Variants in FBXL7 observed in about 807,000 individuals in gnomAD.
FBXL7 encodes F-box and leucine rich repeat protein 7.
In FBXL7, 12 loss-of-function variants were observed where a neutral mutation model predicts 38.3. The observed-to-expected ratio is 0.31, with a 90% CI of 0.20 to 0.51. FBXL7 has a LOEUF of 0.51. FBXL7 is among the 20% of genes least tolerant of loss of function. FBXL7 has a pLI of 0.98. For synonymous variants in FBXL7, 297 were observed against 300.9 expected (o/e 0.99, Z 0.13); for missense variants, 567 against 676.4 (o/e 0.84, Z 1.79).
chr5:15,847,345 A>G (rs1336294353), intron 2 of FBXL7, among the ~76,000 whole-genome samples: 4 of 152,194 alleles, frequency 2.6e-5, no homozygotes, highest in African/African-American at 9.6e-5. Context: ...AAAGCCCCTT[A>G]TAAAACCATC....
chr5:15,802,948 C>T (rs1413140962), intron 2 of FBXL7, among the ~76,000 whole-genome samples: 4 of 152,186 alleles, frequency 2.6e-5, no homozygotes, highest in African/African-American at 7.2e-5. Context: ...CCACGGCACC[C>T]GGCCCCACCA....
intron 2 of FBXL7, among the ~76,000 whole-genome samples, chr5:15,913,800 T>C (rs577938246): frequency 6.6e-6 from 1 of 152,334 alleles, no homozygotes; most frequent in African/African-American, 2.4e-5. Context: ...AAGAAAGAGC[T>C]GGCTCCTTTC....
intron 1 of FBXL7, among the ~76,000 whole-genome samples, chr5:15,565,754 A>G (rs1472074815): frequency 2.6e-5 from 4 of 152,152 alleles, no homozygotes; most frequent in African/African-American, 9.7e-5. Context: ...TGAAGGCATG[A>G]AAGAACTGGT....
intron 1 of FBXL7, among the ~76,000 whole-genome samples, chr5:15,602,535 T>C (rs13170478): frequency 0.31 from 46,371 of 152,026 alleles, 7,238 homozygotes; most frequent in Non-Finnish European, 0.32. Flanking sequence ...TGGAGCCTAC[T>C]CTCATGGAGT....
At chr5:15,520,095 G>T (rs1359465338) in intron 1 of FBXL7, among the ~76,000 whole-genome samples, 1 of 152,168 alleles carries the variant, frequency 6.6e-6, no homozygotes, top group Non-Finnish European at 1.5e-5. Context: ...CATGGCATTT[G>T]TAAACTGTCC....
intron 2 of FBXL7, among the ~76,000 whole-genome samples, chr5:15,670,777 G>A (rs1364523374): frequency 1.3e-5 from 2 of 151,092 alleles, no homozygotes; most frequent in East Asian, 3.9e-4. Context: ...CTTCAGCCTG[G>A]GTGACAGAGT....
intron 2 of FBXL7, among the ~76,000 whole-genome samples, chr5:15,872,078 G>A (rs889037027): frequency 6.6e-6 from 1 of 152,160 alleles, no homozygotes; most frequent in African/African-American, 2.4e-5. Context: ...AGCAGACTAA[G>A]AGCGGATCTC....
At chr5:15,635,913 CT>C (rs35279060) in intron 2 of FBXL7, among the ~76,000 whole-genome samples, 28,640 of 142,332 alleles carry the variant, frequency 0.2, 2,807 homozygotes, top group Admixed American at 0.22. Flanking sequence ...CATTTTTAGC[CT>C]TTTTTTTTTT....
chr5:15,856,351 G>A (rs940179822), intron 2 of FBXL7, among the ~76,000 whole-genome samples: 5 of 151,990 alleles, frequency 3.3e-5, no homozygotes, highest in African/African-American at 7.3e-5. Context: ...ATTTGGGTGG[G>A]GACACAGAGC....
intron 1 of FBXL7, among the ~76,000 whole-genome samples, chr5:15,583,077 T>TA (rs1360374366): frequency 6.6e-6 from 1 of 152,088 alleles, no homozygotes; most frequent in Non-Finnish European, 1.5e-5. Flanking sequence ...TCAGAAAACT[T>TA]ACAGTCATGG....
At chr5:15,807,503 GACA>G (rs1737745739) in intron 2 of FBXL7, among the ~76,000 whole-genome samples, 1 of 152,102 alleles carries the variant, frequency 6.6e-6, no homozygotes, top group Non-Finnish European at 1.5e-5. Flanking sequence ...ATCATGCAGG[GACA>G]AAGCCCAGCA....
At chr5:15,694,862 C>T (rs1326258304) in intron 2 of FBXL7, among the ~76,000 whole-genome samples, 1 of 152,058 alleles carries the variant, frequency 6.6e-6, no homozygotes, top group Non-Finnish European at 1.5e-5. Context: ...TAAAACTAAC[C>T]CTGTTCCACT....
At chr5:15,547,110 C>T (rs564482915) in intron 1 of FBXL7, among the ~76,000 whole-genome samples, 4 of 152,290 alleles carry the variant, frequency 2.6e-5, no homozygotes, top group African/African-American at 9.6e-5. Flanking sequence ...AGTTAAAGTT[C>T]TGGAGTGCAT....
chr5:15,739,287 C>T lies in FBXL7; in HGVS notation c.127+123215C>T, dbSNP rs142427806. On this transcript the variant is annotated intron_variant, in intron 2 of 3. Transcript: ENST00000504595. Reference sequence around the variant, plus strand: ...TCTTGCCCTTCAGATGCCTCTTGCCCTTCACGTTCCACCCACCTCCTTTCC... The same window carrying T: ...TCTTGCCCTTCAGATGCCTCTTGCCTTTCACGTTCCACCCACCTCCTTTCC... Among the ~76,000 whole-genome samples the T allele has an allele frequency of 4.0e-3, 606 of 152,322 alleles. 6 individuals are homozygous for T. Among genetic ancestry groups the T allele is most frequent in the African/African-American group, 0.014 (575 of 41,562 alleles).
At position 15,582,935 on chromosome 5, in the gene FBXL7, G is replaced by GTT. The variant is rs573419096; in HGVS notation, c.38-33034_38-33033dup. 1.1e-3 allele frequency among the ~76,000 whole-genome samples: 158 copies of GTT among 138,566 alleles called. 2 individuals carry two copies. The highest frequency in any genetic ancestry group is 2.1e-3 in the South Asian group (9 of 4,348). 90.9% of individuals were successfully genotyped at this position (138,566 alleles called of 152,430 possible). A position where few individuals can be genotyped will look rare whatever the true frequency, so the allele number is the denominator to read the frequency against. On this transcript the variant is annotated intron_variant, in intron 1 of 3. Coordinates refer to ENST00000504595, the MANE Select transcript of FBXL7 (RefSeq NM_012304.5). ...TCACCTAATCCTCTCCTTGGCTCATGTTTTTTTTTTTTTTTGTGGGGATGT... is the reference window on the plus strand; with the variant it reads ...TCACCTAATCCTCTCCTTGGCTCATGTTTTTTTTTTTTTTTTTGTGGGGATGT...
At chr5:15,575,581 T>C (rs1226962383) in intron 1 of FBXL7, among the ~76,000 whole-genome samples, 1 of 152,232 alleles carries the variant, frequency 6.6e-6, no homozygotes, top group Non-Finnish European at 1.5e-5. Context: ...ATATTATAAG[T>C]CTGTGATAAT....
intron 2 of FBXL7, among the ~76,000 whole-genome samples, chr5:15,875,047 T>G (rs1740141521): frequency 1.3e-5 from 2 of 152,206 alleles, no homozygotes; most frequent in South Asian, 4.1e-4. Flanking sequence ...AACAGCATAG[T>G]ACTGGTACCA....
intron 1 of FBXL7, among the ~76,000 whole-genome samples, chr5:15,558,027 GA>G (rs1368159653): frequency 6.6e-6 from 1 of 152,182 alleles, no homozygotes; most frequent in East Asian, 1.9e-4. Flanking sequence ...TTGGTTTACG[GA>G]TATAGAGCTT....
At chr5:15,659,194 G>A (rs1741980008) in intron 2 of FBXL7, among the ~76,000 whole-genome samples, 1 of 151,882 alleles carries the variant, frequency 6.6e-6, no homozygotes, top group African/African-American at 2.4e-5. Flanking sequence ...TTAACTGGGA[G>A]AAGATAATTA....
Sources: allele counts gnomAD v4.1 joint callset (sites outside exome capture counted in the v4.1 genomes callset), GRCh38; gene constraint gnomAD v4.1.1; transcripts MANE v1.5; gene names NCBI Gene and HGNC (gene_info 2026-07-23, HGNC 2026-07-21).